The following EMID1 variants were observed in gnomAD, a reference collection of about 807,000 sequenced individuals.
EMID1 encodes the protein EMI domain containing 1, also known as EMI domain-containing protein 1.
A neutral mutation model predicts 60.6 loss-of-function variants in EMID1; 40 were observed. The observed-to-expected ratio is 0.66, with a 90% CI of 0.51 to 0.86. The LOEUF is 0.86. Among genes scored for constraint, EMID1 ranks in the 40% least tolerant of loss-of-function variants. The pLI, the probability that EMID1 is intolerant of heterozygous loss-of-function variation, is 0.00. For missense variants in EMID1, 585 were observed against 597.1 expected, an observed-to-expected ratio of 0.98 and a Z score of 0.21; for synonymous variants, 242 against 231.0, an observed-to-expected ratio of 1.05 and a Z score of -0.43.
intron 1 of EMID1, 136 bp downstream of exon 1, chr22:29,206,275 C>A: frequency 2.9e-6 from 2 of 698,888 alleles, no homozygotes; most frequent in Non-Finnish European, 3.9e-6. Flanking sequence ...GGCCATCCCG[C>A]GGTCCGGCTG....
chr22:29,257,614 T>G (rs1422035310), intron 14 of EMID1, among the ~76,000 whole-genome samples: 2 of 152,100 alleles, frequency 1.3e-5, no homozygotes, highest in Non-Finnish European at 2.9e-5. Context: ...TGTGACAAAC[T>G]CACAGGGGCC....
At chr22:29,243,038 C>T (rs761051168) in intron 12 of EMID1, among the ~76,000 whole-genome samples, 1 of 152,192 alleles carries the variant, frequency 6.6e-6, no homozygotes, top group Non-Finnish European at 1.5e-5. Flanking sequence ...TTAGTTCCCC[C>T]ACTTGTAGCT....
At chr22:29,239,600 T>C (rs1483362658) in intron 12 of EMID1, among the ~76,000 whole-genome samples, 1 of 152,248 alleles carries the variant, frequency 6.6e-6, no homozygotes, top group Non-Finnish European at 1.5e-5. Context: ...GTTGAATCTC[T>C]TCAAACTGTG....
chr22:29,250,829 A>G (rs1033146674), intron 13 of EMID1, among the ~76,000 whole-genome samples: 1 of 138,502 alleles, frequency 7.2e-6, no homozygotes, highest in African/African-American at 2.7e-5. Context: ...TCCTGACCTC[A>G]GGTGATCCAT....
At chr22:29,255,383 A>G (rs762453989) in intron 14 of EMID1, 130 of 1,433,448 alleles carry the variant, frequency 9.1e-5, no homozygotes, top group Non-Finnish European at 1.2e-4. Flanking sequence ...GCGGGCAGGC[A>G]GGGGCAGCCT....
At chr22:29,227,574 A>T (rs1424653435) in intron 5 of EMID1, among the ~76,000 whole-genome samples, 4 of 151,772 alleles carry the variant, frequency 2.6e-5, no homozygotes, top group Non-Finnish European at 1.5e-5. Flanking sequence ...GCATGGTGGC[A>T]CACACCCATA....
At chr22:29,208,056 C>T (rs1046363856) in intron 1 of EMID1, among the ~76,000 whole-genome samples, 3 of 152,308 alleles carry the variant, frequency 2.0e-5, no homozygotes, top group East Asian at 3.9e-4. Flanking sequence ...GGACCAGCAC[C>T]GGGCCTCACC....
At position 29,256,484 on chromosome 22, in the gene EMID1, G is replaced by T. The variant is rs1390532188; in HGVS notation, c.1204+2197G>T. Among the ~76,000 whole-genome samples, 3 of 141,592 alleles carry T rather than the reference G, an allele frequency of 2.1e-5. No individual in the cohort carries two copies. The Admixed American group carries it at 2.1e-4, about 10-fold the overall frequency. The allele number at this position is 141,592 out of a possible 152,430, so 92.9% of individuals were successfully genotyped here. On this transcript the variant is annotated intron_variant, in intron 14 of 14. Coordinates refer to ENST00000334018, the MANE Select transcript of EMID1 (RefSeq NM_133455.4). ...ATCTCAAAAAAAAAAAAAAAAAAAAGACTGAGAAACTTAGATCCCAAGCAG... is the reference window on the plus strand; with the variant it reads ...ATCTCAAAAAAAAAAAAAAAAAAAATACTGAGAAACTTAGATCCCAAGCAG...
At chr22:29,249,907 G>C (rs545788301) in intron 13 of EMID1, among the ~76,000 whole-genome samples, 1 of 151,882 alleles carries the variant, frequency 6.6e-6, no homozygotes, top group African/African-American at 2.4e-5. Context: ...GAGCCACCAC[G>C]CCTGGCCCCC....
chr22:29,216,751 A>T, intron 3 of EMID1: 1 of 746,016 alleles, frequency 1.3e-6, no homozygotes, highest in Non-Finnish European at 1.6e-6. Context: ...GCACACGGCC[A>T]TGGGGATGGG....
intron 3 of EMID1, chr22:29,216,713 C>A: frequency 1.0e-6 from 1 of 959,432 alleles, no homozygotes; most frequent in Non-Finnish European, 1.2e-6. Context: ...TGACTGAGGC[C>A]CAGTGAGGTG....
chr22:29,223,840 G>A (rs1482050610), intron 3 of EMID1, among the ~76,000 whole-genome samples: 2 of 152,258 alleles, frequency 1.3e-5, no homozygotes, highest in African/African-American at 4.8e-5. Context: ...GACTATGTAT[G>A]TGAAGTGCTT....
chr22:29,220,743 G>T (rs2040262316), intron 3 of EMID1, among the ~76,000 whole-genome samples: 1 of 152,100 alleles, frequency 6.6e-6, no homozygotes. Flanking sequence ...CCACTGCAAG[G>T]ACAGAGCGGA....
At position 29,214,909 on chromosome 22, in the gene EMID1, C is replaced by T; in HGVS notation, c.102-17C>T. On this transcript the variant is annotated splice_polypyrimidine_tract_variant and intron_variant, in intron 1 of 14. Transcript: ENST00000334018. The stretch of plus-strand genomic sequence containing the variant: ...CCTGTGTGGTACCTGAGTTTCCTCT[C>T]TTTGGGTCTGTTTCAGGAACTGGTG... 6.6e-7 allele frequency: 1 copy of T among 1,505,914 alleles called. No homozygotes were observed. Among genetic ancestry groups the T allele is most frequent in the Non-Finnish European group, 9.0e-7 (1 of 1,114,686 alleles). The allele number at this position is 1,505,914 out of a possible 1,614,324, so 93.3% of individuals were successfully genotyped here. A position where few individuals can be genotyped will look rare whatever the true frequency, so the allele number is the denominator to read the frequency against.
chr22:29,248,764 C>A (rs1278841903), intron 13 of EMID1, among the ~76,000 whole-genome samples: 3 of 152,024 alleles, frequency 2.0e-5, no homozygotes, highest in African/African-American at 7.3e-5. Flanking sequence ...TCGCTTGAGC[C>A]GGGGAAGTCG....
At chr22:29,240,764 T>C (rs1224476665) in intron 12 of EMID1, among the ~76,000 whole-genome samples, 1 of 152,236 alleles carries the variant, frequency 6.6e-6, no homozygotes, top group Non-Finnish European at 1.5e-5. Flanking sequence ...CAGTAAATAG[T>C]GTGGGCTCCC....
intron 4 of EMID1, among the ~76,000 whole-genome samples, chr22:29,226,044 T>G (rs890327946): frequency 6.6e-6 from 1 of 151,110 alleles, no homozygotes; most frequent in Non-Finnish European, 1.5e-5. Context: ...AGCAACAGGA[T>G]CTTTCCAGAG....
intron 3 of EMID1, among the ~76,000 whole-genome samples, chr22:29,222,819 C>T (rs1031407041): frequency 2.0e-5 from 3 of 152,144 alleles, no homozygotes; most frequent in South Asian, 2.1e-4. Context: ...TGGCCGGGCG[C>T]GATGGCTTAT....
intron 12 of EMID1, among the ~76,000 whole-genome samples, chr22:29,240,111 C>T (rs1252696166): frequency 6.6e-6 from 1 of 152,180 alleles, no homozygotes; most frequent in East Asian, 1.9e-4. Flanking sequence ...CTGCACCTGG[C>T]CTAGGTCTCA....
Sources: allele counts gnomAD v4.1 joint callset (sites outside exome capture counted in the v4.1 genomes callset), GRCh38; gene constraint gnomAD v4.1.1; transcripts MANE v1.5; gene names NCBI Gene and HGNC (gene_info 2026-07-23, HGNC 2026-07-21).